Variants in MBOAT2 observed in about 807,000 individuals in gnomAD.
MBOAT2 encodes membrane-bound glycerophospholipid O-acyltransferase 2.
Under a neutral mutation model 63.4 loss-of-function variants are expected in MBOAT2, and 28 were observed. The ratio of observed to expected loss-of-function variants is 0.44; its 90% CI spans 0.33 to 0.61. The LOEUF (loss-of-function observed/expected upper bound fraction) is 0.61. Ranked by LOEUF, MBOAT2 falls within the 20% of genes least tolerant of loss-of-function variation. The probability of loss-of-function intolerance (pLI) is 0.03; values close to 1 mark genes in which losing one functional copy is unlikely to be tolerated. For missense variants in MBOAT2, 470 were observed against 605.8 expected, an observed-to-expected ratio of 0.78 and a Z score of 2.35; for synonymous variants, 211 against 215.6, an observed-to-expected ratio of 0.98 and a Z score of 0.19.
chr2:8,940,354 C>T (rs1667966626), intron 3 of MBOAT2, among the ~76,000 whole-genome samples: 1 of 151,986 alleles, frequency 6.6e-6, no homozygotes, highest in South Asian at 2.1e-4. Context: ...TGCAGTGGTG[C>T]GATCTTGGCT....
At chr2:8,998,606 G>C (rs922734313) in intron 1 of MBOAT2, among the ~76,000 whole-genome samples, 1 of 151,602 alleles carries the variant, frequency 6.6e-6, no homozygotes, top group Non-Finnish European at 1.5e-5. Context: ...TGCAGGGGAA[G>C]AGCGGGGGGC....
At chr2:8,945,433 G>C (rs979856762) in intron 2 of MBOAT2, among the ~76,000 whole-genome samples, 1 of 152,114 alleles carries the variant, frequency 6.6e-6, no homozygotes, top group Non-Finnish European at 1.5e-5. Context: ...CATTAAAAGC[G>C]TTGATGGGGT....
chr2:8,888,061 G>A lies in MBOAT2; in HGVS notation c.408C>T (p.Ile136=). The A allele has an allele frequency of 6.2e-7, 1 of 1,613,246 alleles. No individual in the cohort carries two copies. The highest frequency in any genetic ancestry group is 8.5e-7 in the Non-Finnish European group (1 of 1,179,602). Residue 136 remains isoleucine (I), a synonymous_variant, in exon 5 of 13, where the codon ATC becomes ATT. Coordinates refer to ENST00000305997, the MANE Select transcript of MBOAT2 (RefSeq NM_138799.4). The stretch of plus-strand genomic sequence containing the variant: ...CCAAACTAGTGATCTTCTGAGTAAT[G>A]ATCATCATTGGGCTGTGACAAGATA... The part of the protein sequence containing the change: ...YSADFSGPMM[I]ITQKITSLAC...
chr2:8,877,025 C>T lies in MBOAT2; in HGVS notation c.690+5G>A. 6.2e-7 allele frequency: 1 copy of T among 1,602,608 alleles called. No individual in the cohort carries two copies. The highest frequency in any genetic ancestry group is 8.5e-7 in the Non-Finnish European group (1 of 1,175,442). On this transcript the variant is annotated splice_donor_5th_base_variant and intron_variant, in intron 7 of 12. Transcript: ENST00000305997. ...AAAGGCTCCAGATAAATCTCATGAC[C>T]TTACATTTGGAGATGGCTCTGTTCT...
intron 8 of MBOAT2, 26 bp from the exon 9 acceptor site, chr2:8,868,575 G>A: frequency 6.4e-7 from 1 of 1,556,818 alleles, no homozygotes; most frequent in Non-Finnish European, 8.8e-7. Flanking sequence ...TTAGAAAAAA[G>A]TATTAAGAAT....
intron 3 of MBOAT2, among the ~76,000 whole-genome samples, chr2:8,916,193 G>T (rs1666163476): frequency 6.6e-6 from 1 of 152,186 alleles, no homozygotes. Flanking sequence ...TCAACACTGA[G>T]CTGTTGAATT....
chr2:8,869,319 T>A (rs532579581), intron 8 of MBOAT2, among the ~76,000 whole-genome samples: 8 of 151,908 alleles, frequency 5.3e-5, no homozygotes, highest in Non-Finnish European at 7.4e-5. Context: ...AGTGCTGGCA[T>A]TTCAGGCAAG....
chr2:8,890,277 CCT>C (rs1364898716), intron 4 of MBOAT2, among the ~76,000 whole-genome samples: 1 of 152,174 alleles, frequency 6.6e-6, no homozygotes, highest in East Asian at 1.9e-4. Context: ...AGTAGCTTCC[CCT>C]GTGCCCACAA....
intron 11 of MBOAT2, among the ~76,000 whole-genome samples, chr2:8,861,415 A>G (rs1054269048): frequency 3.3e-5 from 5 of 152,164 alleles, no homozygotes; most frequent in African/African-American, 1.2e-4. Context: ...TCTGTCTGCT[A>G]TGGGAGGGAG....
intron 2 of MBOAT2, among the ~76,000 whole-genome samples, chr2:8,946,674 T>C (rs1189458252): frequency 1.3e-5 from 2 of 152,230 alleles, no homozygotes; most frequent in African/African-American, 4.8e-5. Flanking sequence ...ATTTTACCTG[T>C]TATAGTGATC....
intron 3 of MBOAT2, among the ~76,000 whole-genome samples, chr2:8,935,953 T>A (rs1341900656): frequency 6.6e-6 from 1 of 152,244 alleles, no homozygotes; most frequent in Non-Finnish European, 1.5e-5. Context: ...TCCCAATTTT[T>A]AAAATAAGTA....
At chr2:8,989,376 C>T (rs1183420295) in intron 1 of MBOAT2, among the ~76,000 whole-genome samples, 1 of 152,132 alleles carries the variant, frequency 6.6e-6, no homozygotes, top group Admixed American at 6.5e-5. Flanking sequence ...TGAGAACATG[C>T]TTATTACTAA....
intron 3 of MBOAT2, among the ~76,000 whole-genome samples, chr2:8,912,478 A>G (rs1373132805): frequency 6.6e-6 from 1 of 152,164 alleles, no homozygotes; most frequent in African/African-American, 2.4e-5. Flanking sequence ...ACTTATTGAT[A>G]AAAGAATTCA....
chr2:8,906,361 T>G (rs188600153), intron 4 of MBOAT2, among the ~76,000 whole-genome samples: 1 of 152,244 alleles, frequency 6.6e-6, no homozygotes, highest in Non-Finnish European at 1.5e-5. Context: ...ACGTGACTCA[T>G]GCTTGCTGAC....
At chr2:8,956,067 A>T (rs1176382561) in intron 2 of MBOAT2, among the ~76,000 whole-genome samples, 1 of 152,202 alleles carries the variant, frequency 6.6e-6, no homozygotes, top group Non-Finnish European at 1.5e-5. Context: ...GGAAACCAAA[A>T]AAATTTGTGT....
chr2:8,964,579 C>T (rs952132778), intron 1 of MBOAT2, among the ~76,000 whole-genome samples: 1 of 151,600 alleles, frequency 6.6e-6, no homozygotes, highest in African/African-American at 2.4e-5. Flanking sequence ...TATGTTGATA[C>T]ACATGGCTCT....
intron 3 of MBOAT2, among the ~76,000 whole-genome samples, chr2:8,931,805 GC>G (rs1402731754): frequency 6.6e-6 from 1 of 151,986 alleles, no homozygotes; most frequent in Non-Finnish European, 1.5e-5. Context: ...TTTGCACATG[GC>G]TAGCCTGTTT....
intron 1 of MBOAT2, among the ~76,000 whole-genome samples, chr2:8,962,798 AAAC>A (rs375787296): frequency 1.3e-4 from 20 of 152,106 alleles, no homozygotes; most frequent in African/African-American, 3.4e-4. Flanking sequence ...AACTTCTACA[AAAC>A]AACAACAACA....
intron 3 of MBOAT2, among the ~76,000 whole-genome samples, chr2:8,936,802 A>C (rs907241703): frequency 4.8e-4 from 69 of 142,970 alleles, no homozygotes; most frequent in African/African-American, 2.0e-3. Context: ...AAAAAAAAAA[A>C]AAAGAAAAGA....
Sources: gnomAD v4.1 joint callset for allele counts (sites outside exome capture counted in the v4.1 genomes callset) on GRCh38, gnomAD v4.1.1 for gene constraint, MANE v1.5 for transcripts, NCBI Gene and HGNC (gene_info 2026-07-23, HGNC 2026-07-21) for gene names.